The following SETD5 variants were observed in gnomAD, a reference collection of about 807,000 sequenced individuals.
The protein encoded by SETD5 is SET domain containing 5.
In SETD5, 44 loss-of-function variants were observed where a neutral mutation model predicts 153.3. The ratio of observed to expected loss-of-function variants is 0.29; its 90% CI spans 0.23 to 0.37. The LOEUF is 0.37. Ranked by LOEUF, SETD5 falls within the 10% of genes least tolerant of loss-of-function variation. The pLI is 1.00. For missense variants in SETD5, 1,544 were observed against 1,768.0 expected, an observed-to-expected ratio of 0.87 and a Z score of 2.27; for synonymous variants, 716 against 645.2, an observed-to-expected ratio of 1.11 and a Z score of -1.66.
chr3:9,448,454 C>T lies in SETD5; in HGVS notation c.2170C>T (p.Arg724Cys). The T allele has an allele frequency of 1.2e-6, 2 of 1,613,992 alleles. No individual in the cohort carries two copies. The highest frequency in any genetic ancestry group is 1.7e-6 in the Non-Finnish European group (2 of 1,179,896). The change falls in exon 16 of 23, where the codon CGT becomes TGT. Residue 724 changes from arginine to cysteine, a missense_variant. Physicochemically the swap from Arg to Cys is radical, Grantham distance 180. Around this residue, in one of 9 missense-constraint regions of SETD5, gnomAD observed 782 missense variants for 787.2 expected, o/e 0.99. Transcript: ENST00000402198. ...AGAGTGCCCTGTTGAGTGCCCTTTA[C>T]GTATCACAACGGATCCAACTGTACT... The part of the protein sequence containing the change: ...KQECPVECPL[R>C]ITTDPTVLAT...
intron 14 of SETD5, 148 bp downstream of exon 14, chr3:9,447,455 A>G (rs2042148230): frequency 1.6e-6 from 2 of 1,242,404 alleles, no homozygotes; most frequent in Non-Finnish European, 2.2e-6. Context: ...GAACCATTTC[A>G]TTGGCCTATT....
chr3:9,453,615 C>A, intron 16 of SETD5, 124 bp from the exon 17 acceptor site: 2 of 855,730 alleles, frequency 2.3e-6, no homozygotes, highest in Non-Finnish European at 3.4e-6. Context: ...CAATAAAATG[C>A]TTGACTGTGT....
chr3:9,437,733 T>G (rs1033750959), intron 7 of SETD5, among the ~76,000 whole-genome samples: 2 of 152,176 alleles, frequency 1.3e-5, no homozygotes, highest in African/African-American at 2.4e-5. Context: ...CCAGGCGCAG[T>G]AGCTCACGCC....
intron 1 of SETD5, among the ~76,000 whole-genome samples, chr3:9,419,255 C>T (rs574051440): frequency 6.6e-6 from 1 of 152,312 alleles, no homozygotes; most frequent in African/African-American, 2.4e-5. Context: ...TAAAATAGCA[C>T]TTAACATAGT....
chr3:9,464,712 A>G (rs1429095509), intron 18 of SETD5, 40 bp downstream of exon 18: 15 of 1,613,628 alleles, frequency 9.3e-6, no homozygotes, highest in Non-Finnish European at 1.3e-5. Flanking sequence ...GGATATGAAA[A>G]TCATCATTTG....
chr3:9,434,601 G>A lies in SETD5; in HGVS notation c.329+116G>A. 6.6e-7 allele frequency: 1 copy of A among 1,512,072 alleles called. No homozygotes were observed. The highest frequency in any genetic ancestry group is 1.3e-5 in the South Asian group (1 of 75,782). 93.7% of individuals were successfully genotyped at this position (1,512,072 alleles called of 1,614,324 possible). ...GTTTGTTAATGTAGATGATTCCTTA[G>A]TGCTCCTTGGCTCGAATTCTCTGCA... On this transcript the variant is annotated intron_variant, in intron 5 of 22. Coordinates refer to ENST00000402198, the MANE Select transcript of SETD5 (RefSeq NM_001080517.3). This position sits in a 1 kb window ranked among gnomAD's most constrained non-coding sequence, Gnocchi z 5.6.
rs2045792076 is a variant in SETD5, at chr3:9,475,744, G to C, written c.3982G>C (p.Gly1328Arg). 1 of 1,613,818 alleles carries C rather than the reference G, an allele frequency of 6.2e-7. No individual in the cohort carries two copies. The highest frequency in any genetic ancestry group is 8.5e-7 in the Non-Finnish European group (1 of 1,179,892). ...GTATTTTAGCAGCCAGCCACATTCT[G>C]GAAACAGCACTGGCAGCAATCTTCC... The part of the protein sequence containing the change: ...PGYFSSQPHS[G>R]NSTGSNLPRR... Residue 1328 changes from glycine to arginine, a missense_variant, in exon 23 of 23, where the codon GGA becomes CGA. Transcript: ENST00000402198.
intron 9 of SETD5, 149 bp downstream of exon 9, chr3:9,441,890 G>A (rs1354719992): frequency 2.0e-6 from 2 of 1,011,878 alleles, no homozygotes; most frequent in African/African-American, 1.6e-5. Context: ...TTGTAGAGAA[G>A]TGCAAGTAAA....
chr3:9,429,060 A>G, intron 3 of SETD5, 51 bp downstream of exon 3: 3 of 1,346,542 alleles, frequency 2.2e-6, no homozygotes, highest in Non-Finnish European at 3.2e-6. Flanking sequence ...GTGTGGAGAC[A>G]GCCTTCTTAT....
At chr3:9,428,410 A>T (rs2039573369) in intron 2 of SETD5, among the ~76,000 whole-genome samples, 1 of 152,214 alleles carries the variant, frequency 6.6e-6, no homozygotes, top group Non-Finnish European at 1.5e-5. Context: ...GCCTAGGAAA[A>T]AAACTTAAAT....
chr3:9,450,722 G>T (rs2125316116), intron 16 of SETD5, among the ~76,000 whole-genome samples: 1 of 151,972 alleles, frequency 6.6e-6, no homozygotes, highest in East Asian at 1.9e-4. Flanking sequence ...ACCCTCCATG[G>T]GATTATTTAG....
chr3:9,435,593 G>A lies in SETD5; in HGVS notation c.389-135G>A, dbSNP rs931580005. 12 of 707,550 alleles carry A rather than the reference G, an allele frequency of 1.7e-5. No homozygotes were observed. In the East Asian group the frequency reaches 1.9e-4, roughly 11 times the overall value. 43.8% of individuals were successfully genotyped at this position (707,550 alleles called of 1,614,324 possible). On this transcript the variant is annotated intron_variant, in intron 6 of 22. Coordinates refer to ENST00000402198, the MANE Select transcript of SETD5 (RefSeq NM_001080517.3). ...TTCTTAAGGAAGATGAGTATTTAACGTTGCTTTACAGATGATAAGAGTTAA... is the reference window on the plus strand; with the variant it reads ...TTCTTAAGGAAGATGAGTATTTAACATTGCTTTACAGATGATAAGAGTTAA...
At chr3:9,409,131 C>T (rs554337235) in intron 1 of SETD5, among the ~76,000 whole-genome samples, 1 of 152,266 alleles carries the variant, frequency 6.6e-6, no homozygotes, top group African/African-American at 2.4e-5. Context: ...ATATAACCCT[C>T]TGACAGAATC....
intron 1 of SETD5, among the ~76,000 whole-genome samples, chr3:9,423,894 G>A (rs2038780053): frequency 6.6e-6 from 1 of 152,112 alleles, no homozygotes; most frequent in South Asian, 2.1e-4. Flanking sequence ...ATTAATTTAA[G>A]CGCCATTTTT....
At position 9,470,514 on chromosome 3, in the gene SETD5, C is replaced by T. The variant is rs527838238; in HGVS notation, c.2780C>T (p.Thr927Ile). 1.2e-6 allele frequency: 2 copies of T among 1,613,968 alleles called. No individual in the cohort carries two copies. The highest frequency in any genetic ancestry group is 2.2e-5 in the East Asian group (1 of 44,882). The change falls in exon 19 of 23, where the codon ACT becomes ATT. Residue 927 changes from threonine (T) to isoleucine (I), a missense_variant. Thr to Ile is a moderately conservative substitution (Grantham distance 89). This residue lies in a region of SETD5 where 782 missense variants were observed against 787.2 expected (regional missense o/e 0.99). Transcript: ENST00000402198. ...AAAGTAGGATACCTTGACTCCAACA[C>T]TAACAGCTGTGCTGATAGACCTTCC... ...LAKVGYLDSN[T>I]NSCADRPSLL...
At chr3:9,473,588 T>G in intron 20 of SETD5, 51 bp downstream of exon 20, 29 of 1,458,550 alleles carry the variant, frequency 2.0e-5, no homozygotes, top group Non-Finnish European at 2.5e-5. Context: ...GGGGGGAGTA[T>G]ATATCTAAGA....
rs1260031095 is a variant in SETD5 at position 9,442,248 on chromosome 3, A to G, written c.1077+3A>G. The stretch of plus-strand genomic sequence containing the variant: ...GATCATGTACACCAAATGCAGAGGT[A>G]AGATATCTGTAGCAACTTCCCTTTG... On this transcript the variant is annotated splice_donor_region_variant and intron_variant, in intron 10 of 22. Transcript: ENST00000402198. 1.3e-6 allele frequency: 2 copies of G among 1,598,670 alleles called. No homozygotes were observed. The highest frequency in any genetic ancestry group is 8.6e-7 in the Non-Finnish European group (1 of 1,168,044).
intron 1 of SETD5, among the ~76,000 whole-genome samples, chr3:9,406,838 T>C (rs184027633): frequency 2.6e-4 from 39 of 152,322 alleles, no homozygotes; most frequent in Admixed American, 7.8e-4. Flanking sequence ...TGTTACACAT[T>C]TTAATATTGG....
intron 18 of SETD5, chr3:9,465,002 C>G (rs1371617980): frequency 3.0e-6 from 1 of 338,758 alleles, no homozygotes; most frequent in Non-Finnish European, 5.7e-6. Flanking sequence ...AAATAGGCCT[C>G]TAGCTGCCTG....
Sources: allele counts gnomAD v4.1 joint callset (sites outside exome capture counted in the v4.1 genomes callset), GRCh38; gene constraint gnomAD v4.1.1; regional missense constraint gnomAD v4.1.1; non-coding constraint Gnocchi (gnomAD v3.1); transcripts MANE v1.5; gene names NCBI Gene and HGNC (gene_info 2026-07-23, HGNC 2026-07-21).